Variants in JMJD1C observed in about 807,000 individuals in gnomAD.
JMJD1C encodes the protein jumonji domain containing 1C.
JMJD1C carries 31 observed loss-of-function variants against 245.3 expected under a neutral mutation model. The observed-to-expected ratio is 0.13, with a 90% CI of 0.09 to 0.17. JMJD1C has a LOEUF of 0.17. JMJD1C is among the 10% of genes least tolerant of loss of function. The pLI, the probability that JMJD1C is intolerant of heterozygous loss-of-function variation, is 1.00. For missense variants in JMJD1C, 2,691 were observed against 3,000.2 expected (o/e 0.90, Z 2.41); for synonymous variants, 1,057 against 1,017.4 (o/e 1.04, Z -0.74).
At chr10:63,211,851 CACAAAAAA>C (rs1472688135) in intron 8 of JMJD1C, among the ~76,000 whole-genome samples, 3 of 145,934 alleles carry the variant, frequency 2.1e-5, no homozygotes, top group East Asian at 2.0e-4. Context: ...AAAAAAACCC[CACAAAAAA>C]ACAAAAAAAC....
chr10:63,288,302 A>G (rs1343201427), intron 2 of JMJD1C, among the ~76,000 whole-genome samples: 1 of 152,164 alleles, frequency 6.6e-6, no homozygotes, highest in Non-Finnish European at 1.5e-5. Flanking sequence ...ATTTTTCTCC[A>G]TGTCTTTTCA....
At position 63,339,660 on chromosome 10, in the gene JMJD1C, T is replaced by G. The variant is rs575786429; in HGVS notation, c.333+40658A>C. On this transcript the variant is annotated intron_variant, in intron 2 of 25. Coordinates refer to ENST00000399262, the MANE Select transcript of JMJD1C (RefSeq NM_032776.3). ...TTAAATGTAGGCCAGGCGCAGTGGCTCACGCCTATAATCCCAGCACTTTGG... is the reference window on the plus strand; with the variant it reads ...TTAAATGTAGGCCAGGCGCAGTGGCGCACGCCTATAATCCCAGCACTTTGG... Among the ~76,000 whole-genome samples, 305 of 151,872 alleles carry G rather than the reference T, an allele frequency of 2.0e-3. 1 individual carries two copies. Among genetic ancestry groups the G allele is most frequent in the African/African-American group, 7.2e-3 (298 of 41,410 alleles).
intron 1 of JMJD1C, among the ~76,000 whole-genome samples, chr10:63,396,556 G>C (rs939361638): frequency 6.6e-6 from 1 of 152,068 alleles, no homozygotes; most frequent in Non-Finnish European, 1.5e-5. Context: ...GATATACAAC[G>C]GGCAATGTAG....
chr10:63,294,412 A>G (rs1859135281), intron 2 of JMJD1C, among the ~76,000 whole-genome samples: 1 of 151,726 alleles, frequency 6.6e-6, no homozygotes, highest in South Asian at 2.1e-4. Context: ...CGGCCTCCTG[A>G]GTAGCTGGGA....
intron 1 of JMJD1C, among the ~76,000 whole-genome samples, chr10:63,387,391 TAC>T (rs754999245): frequency 1.3e-5 from 2 of 151,962 alleles, no homozygotes; most frequent in South Asian, 4.1e-4. Context: ...AGTATTCTGT[TAC>T]ACTGAGACAC....
At chr10:63,407,140 C>A (rs1949217931) in intron 1 of JMJD1C, among the ~76,000 whole-genome samples, 1 of 152,150 alleles carries the variant, frequency 6.6e-6, no homozygotes, top group African/African-American at 2.4e-5. Context: ...TGACCATAGT[C>A]TACTGAAGCA....
At chr10:63,187,619 TAGA>T (rs1844281523) in intron 18 of JMJD1C, among the ~76,000 whole-genome samples, 1 of 152,108 alleles carries the variant, frequency 6.6e-6, no homozygotes, top group Non-Finnish European at 1.5e-5. Flanking sequence ...AATTTTTTGG[TAGA>T]AACAGGGTCT....
At chr10:63,305,627 G>GGTGTGTGTGTGTGT (rs1420500276) in intron 2 of JMJD1C, among the ~76,000 whole-genome samples, 26 of 58,720 alleles carry the variant, frequency 4.4e-4, no homozygotes, top group South Asian at 1.1e-3. Context: ...CCACCATGCT[G>GGTGTGTGTGTGTGT]GCGTGTGTGT....
rs562857518 is a variant in JMJD1C at position 63,392,024 on chromosome 10, C to A, written c.169-11542G>T. The stretch of plus-strand genomic sequence containing the variant: ...AACATGTATTTAAAACCACTGATTT[C>A]TTTCACTGTCGCAATTTCCTCAGTT... On this transcript the variant is annotated intron_variant, in intron 1 of 25. Transcript: ENST00000399262. 1.1e-4 allele frequency among the ~76,000 whole-genome samples: 17 copies of A among 152,324 alleles called. No homozygotes were observed. In the South Asian group the frequency reaches 3.5e-3, roughly 32 times the overall value.
chr10:63,353,580 ATCTCGGCTC>A, intron 2 of JMJD1C, among the ~76,000 whole-genome samples: 1 of 152,052 alleles, frequency 6.6e-6, no homozygotes, highest in Non-Finnish European at 1.5e-5. Flanking sequence ...CAGTGGCGTG[ATCTCGGCTC>A]ACTGCAACCT....
intron 14 of JMJD1C, 60 bp downstream of exon 14, chr10:63,194,222 TTAAG>T: frequency 1.0e-6 from 1 of 973,516 alleles, no homozygotes. Flanking sequence ...AGATACTCCT[TTAAG>T]TGTTTCCTTA....
upstream of JMJD1C, chr10:63,466,076 A>G: frequency 4.8e-6 from 1 of 207,058 alleles, no homozygotes; most frequent in Non-Finnish European, 9.7e-6. Context: ...GAACCACCGC[A>G]GACGGAAAGT....
At chr10:63,415,200 TATATA>T (rs1674381237) in intron 1 of JMJD1C, among the ~76,000 whole-genome samples, 1 of 152,154 alleles carries the variant, frequency 6.6e-6, no homozygotes, top group Admixed American at 6.5e-5. Flanking sequence ...TTACTATTAA[TATATA>T]ATATCACAGG....
At chr10:63,514,613 A>G (rs1954963047) in intron 1 of JMJD1C, among the ~76,000 whole-genome samples, 1 of 151,944 alleles carries the variant, frequency 6.6e-6, no homozygotes, top group African/African-American at 2.4e-5. Context: ...AACAATAGAC[A>G]CTGGAGACTA....
At position 63,376,919 on chromosome 10, in the gene JMJD1C, G is replaced by A. The variant is rs547299510; in HGVS notation, c.333+3399C>T. On this transcript the variant is annotated intron_variant, in intron 2 of 25. Coordinates refer to ENST00000399262, the MANE Select transcript of JMJD1C (RefSeq NM_032776.3). ...CATCTGATCCAGCAATTCTACTCCT[G>A]GGTATATACCCAAATAGTTGAACAC... 1.1e-4 allele frequency among the ~76,000 whole-genome samples: 17 copies of A among 152,278 alleles called. No individual in the cohort carries two copies. In the East Asian group the frequency reaches 3.3e-3, roughly 29 times the overall value.
At chr10:63,232,745 T>C (rs1410901922) in intron 3 of JMJD1C, among the ~76,000 whole-genome samples, 1 of 152,218 alleles carries the variant, frequency 6.6e-6, no homozygotes, top group Non-Finnish European at 1.5e-5. Context: ...GTTCTGAATT[T>C]TAAAGTCTCA....
In JMJD1C at chr10:63,208,077, G is replaced by A. The variant is rs369251939; in HGVS notation, c.3592C>T (p.Arg1198Cys). 7.4e-6 allele frequency: 12 copies of A among 1,613,972 alleles called. No individual in the cohort carries two copies. Among genetic ancestry groups the A allele is most frequent in the East Asian group, 4.5e-5 (2 of 44,896 alleles). ...HLTVSSTNTLRSMPALHRAPV... is the reference protein window; with the variant it reads ...HLTVSSTNTLCSMPALHRAPV... The stretch of plus-strand genomic sequence containing the variant: ...GCTCTATGTAATGCAGGCATACTGC[G>A]GAGTGTATTTGTAGAAGAAACTGTC... The change falls in exon 10 of 26, where the codon CGC (arginine) becomes TGC (cysteine). Residue 1198 changes from arginine to cysteine, a missense_variant. Arg to Cys is a radical substitution (Grantham distance 180). This residue lies in a region of JMJD1C where 1,562 missense variants were observed against 1,490.7 expected (regional missense o/e 1.05). Transcript: ENST00000399262.
intron 1 of JMJD1C, among the ~76,000 whole-genome samples, chr10:63,409,710 C>T (rs898290101): frequency 6.6e-6 from 1 of 152,096 alleles, no homozygotes; most frequent in African/African-American, 2.4e-5. Flanking sequence ...GATTGTACAC[C>T]TAAAGTTACA....
intron 10 of JMJD1C, chr10:63,203,636 T>A (rs1846270020): frequency 3.1e-6 from 3 of 973,180 alleles, no homozygotes; most frequent in Non-Finnish European, 2.4e-6. Flanking sequence ...AAATAAAACA[T>A]AAAAATTAGT....
Sources: allele counts gnomAD v4.1 joint callset (sites outside exome capture counted in the v4.1 genomes callset), GRCh38; gene constraint gnomAD v4.1.1; regional missense constraint gnomAD v4.1.1; transcripts MANE v1.5; gene names NCBI Gene and HGNC (gene_info 2026-07-23, HGNC 2026-07-21).